MAML2: variants seen among roughly 807,000 people sequenced by gnomAD.
MAML2 encodes the protein mastermind like transcriptional coactivator 2, also known as mastermind-like protein 2.
MAML2 carries 22 observed loss-of-function variants against 96.1 expected under a neutral mutation model. The observed-to-expected ratio is 0.23, with a 90% CI of 0.16 to 0.33. MAML2 has a LOEUF of 0.33. Among genes scored for constraint, MAML2 ranks in the 10% least tolerant of loss-of-function variants. The probability of loss-of-function intolerance (pLI) is 1.00; values close to 1 mark genes in which losing one functional copy is unlikely to be tolerated. For missense variants in MAML2, 1,367 were observed against 1,392.4 expected, an observed-to-expected ratio of 0.98 and a Z score of 0.29; for synonymous variants, 561 against 521.3, an observed-to-expected ratio of 1.08 and a Z score of -1.04.
At chr11:96,247,174 T>C (rs889158601) in intron 1 of MAML2, among the ~76,000 whole-genome samples, 2 of 152,032 alleles carry the variant, frequency 1.3e-5, no homozygotes, top group Non-Finnish European at 2.9e-5. Context: ...AACACACACA[T>C]TTAGTCTTGA....
intron 1 of MAML2, among the ~76,000 whole-genome samples, chr11:96,297,905 G>C (rs1863325605): frequency 6.6e-6 from 1 of 151,874 alleles, no homozygotes; most frequent in South Asian, 2.1e-4. Context: ...TAATCCCTTG[G>C]TATCCTGTAA....
At chr11:96,332,028 T>C (rs868182168) in intron 1 of MAML2, among the ~76,000 whole-genome samples, 1 of 152,186 alleles carries the variant, frequency 6.6e-6, no homozygotes, top group Non-Finnish European at 1.5e-5. Context: ...CTCTCTTTCA[T>C]TGCTGTGGGT....
At chr11:96,336,474 C>T (rs966371044) in intron 1 of MAML2, among the ~76,000 whole-genome samples, 4 of 152,174 alleles carry the variant, frequency 2.6e-5, no homozygotes, top group Non-Finnish European at 5.9e-5. Context: ...TCTCCTTATT[C>T]TCCCAGGAAG....
At chr11:96,224,649 T>C (rs1483027508) in intron 1 of MAML2, among the ~76,000 whole-genome samples, 1 of 152,210 alleles carries the variant, frequency 6.6e-6, no homozygotes, top group Non-Finnish European at 1.5e-5. Context: ...GTGTCCATCA[T>C]CTCTGTTATA....
intron 1 of MAML2, among the ~76,000 whole-genome samples, chr11:96,213,982 A>G (rs1214045808): frequency 3.3e-5 from 5 of 152,236 alleles, no homozygotes; most frequent in African/African-American, 1.2e-4. Flanking sequence ...GGATCAGGTT[A>G]AAGTGGACAC....
At chr11:96,023,631 A>T (rs1294257727) in intron 2 of MAML2, among the ~76,000 whole-genome samples, 1 of 152,112 alleles carries the variant, frequency 6.6e-6, no homozygotes, top group Non-Finnish European at 1.5e-5. Context: ...CTATGGGGGA[A>T]ATGCAGGCAG....
chr11:96,223,894 A>G (rs1171311725), intron 1 of MAML2, among the ~76,000 whole-genome samples: 2 of 152,236 alleles, frequency 1.3e-5, no homozygotes, highest in Non-Finnish European at 1.5e-5. Context: ...TAAAAGTGTA[A>G]GAGACAGCAG....
chr11:96,118,301 C>A (rs1414952388), intron 1 of MAML2, among the ~76,000 whole-genome samples: 1 of 145,262 alleles, frequency 6.9e-6, no homozygotes, highest in Non-Finnish European at 1.6e-5. Context: ...AAATTGTAAT[C>A]ATTGTAATCC....
chr11:96,131,081 A>T (rs1860541598), intron 1 of MAML2, among the ~76,000 whole-genome samples: 1 of 152,180 alleles, frequency 6.6e-6, no homozygotes. Context: ...ACTACCTCAA[A>T]ATAAACACTA....
chr11:96,218,222 C>T (rs922414338), intron 1 of MAML2, among the ~76,000 whole-genome samples: 3 of 152,190 alleles, frequency 2.0e-5, no homozygotes, highest in Non-Finnish European at 2.9e-5. Context: ...GCAGCTGTAA[C>T]GCAGCTGTAA....
At chr11:96,025,008 TAAAAC>T (rs1442941118) in intron 2 of MAML2, among the ~76,000 whole-genome samples, 3 of 152,096 alleles carry the variant, frequency 2.0e-5, no homozygotes, top group African/African-American at 7.2e-5. Flanking sequence ...TCAAAGAACT[TAAAAC>T]AAACTACCGT....
intron 1 of MAML2, among the ~76,000 whole-genome samples, chr11:96,146,638 CA>C (rs1340599693): frequency 6.6e-6 from 1 of 152,136 alleles, no homozygotes; most frequent in Non-Finnish European, 1.5e-5. Context: ...AAATACTTGC[CA>C]TGAGATAGGT....
intron 1 of MAML2, among the ~76,000 whole-genome samples, chr11:96,093,849 G>A (rs1271832243): frequency 6.6e-6 from 1 of 152,184 alleles, no homozygotes; most frequent in Non-Finnish European, 1.5e-5. Flanking sequence ...TTAAAGCATT[G>A]TTATTTTCTG....
chr11:96,117,068 A>G (rs1860256364), intron 1 of MAML2, among the ~76,000 whole-genome samples: 2 of 152,222 alleles, frequency 1.3e-5, no homozygotes, highest in Admixed American at 1.3e-4. Flanking sequence ...TTAAACAGGG[A>G]CAATTTAAGA....
intron 1 of MAML2, among the ~76,000 whole-genome samples, chr11:96,296,546 G>A (rs139950149): frequency 0.037 from 5,599 of 152,242 alleles, 172 homozygotes; most frequent in South Asian, 0.16. Context: ...GGGAGGCTGA[G>A]GCAGGAGAAT....
At chr11:96,101,823 A>AT (rs1859936242) in intron 1 of MAML2, among the ~76,000 whole-genome samples, 1 of 152,220 alleles carries the variant, frequency 6.6e-6, no homozygotes, top group South Asian at 2.1e-4. Flanking sequence ...ACAAAACCAG[A>AT]TTTTTTTCTC....
intron 2 of MAML2, among the ~76,000 whole-genome samples, chr11:95,996,796 A>AT (rs1390541696): frequency 6.6e-6 from 1 of 152,200 alleles, no homozygotes; most frequent in Non-Finnish European, 1.5e-5. Flanking sequence ...GCTTTGATGC[A>AT]TTGGCTTCGA....
intron 4 of MAML2, among the ~76,000 whole-genome samples, chr11:95,980,866 C>A (rs975351413): frequency 1.3e-5 from 2 of 152,202 alleles, no homozygotes; most frequent in Non-Finnish European, 2.9e-5. Flanking sequence ...AGGAGGCAGA[C>A]AAGGGTCTCC....
intron 2 of MAML2, among the ~76,000 whole-genome samples, chr11:96,032,646 GTCTCT>G (rs1858636753): frequency 6.7e-6 from 1 of 149,094 alleles, no homozygotes; most frequent in African/African-American, 2.5e-5. Context: ...ACAATCAAAT[GTCTCT>G]TATTTGGTGA....
Sources: allele counts gnomAD v4.1 joint callset (sites outside exome capture counted in the v4.1 genomes callset), GRCh38; gene constraint gnomAD v4.1.1; transcripts MANE v1.5; gene names NCBI Gene and HGNC (gene_info 2026-07-23, HGNC 2026-07-21).